AVEN: variants seen among roughly 807,000 people sequenced by gnomAD.
AVEN encodes cell death regulator Aven.
Under a neutral mutation model 38.1 loss-of-function variants are expected in AVEN, and 41 were observed. The ratio of observed to expected loss-of-function variants is 1.08; its 90% CI spans 0.84 to 1.40. The LOEUF (loss-of-function observed/expected upper bound fraction) is 1.40. Ranked by LOEUF, AVEN falls within the 40% of genes most tolerant of loss-of-function variation. AVEN has a pLI of 0.00. For synonymous variants in AVEN, 206 were observed against 171.8 expected (o/e 1.20, Z -1.56); for missense variants, 605 against 438.8 (o/e 1.38, Z -3.38).
chr15:33,894,582 G>T (rs528358084), intron 2 of AVEN, among the ~76,000 whole-genome samples: 1 of 146,382 alleles, frequency 6.8e-6, no homozygotes, highest in Non-Finnish European at 1.5e-5. Context: ...GGCCGAGGCA[G>T]GGGGACTGCC....
At chr15:33,867,280 C>T (rs924516017) in intron 5 of AVEN, among the ~76,000 whole-genome samples, 2 of 152,192 alleles carry the variant, frequency 1.3e-5, no homozygotes, top group Non-Finnish European at 2.9e-5. Context: ...AGGCAGGTAG[C>T]AGCTTTGGAA....
At chr15:34,074,712 T>G (rs996412090) in exon 1 of AVEN, among the ~76,000 whole-genome samples, 5 of 152,182 alleles carry the variant, frequency 3.3e-5, no homozygotes, top group South Asian at 2.1e-4. Flanking sequence ...CTTTATTACC[T>G]CCTAAAGACC....
chr15:33,865,549 A>T, downstream of AVEN: 1 of 262,026 alleles, frequency 3.8e-6, no homozygotes, highest in Non-Finnish European at 7.3e-6. Context: ...AAAGGGCTAG[A>T]GAAGTATGAA....
chr15:33,892,061 A>C (rs989121624), intron 2 of AVEN, among the ~76,000 whole-genome samples: 2 of 152,046 alleles, frequency 1.3e-5, no homozygotes, highest in Non-Finnish European at 2.9e-5. Flanking sequence ...TCCTTTGCCC[A>C]CTTTTTGATG....
chr15:33,937,050 G>A (rs1410388012), intron 2 of AVEN, among the ~76,000 whole-genome samples: 3 of 147,948 alleles, frequency 2.0e-5, no homozygotes, highest in African/African-American at 7.6e-5. Flanking sequence ...AGAATGGCGT[G>A]AACCCAGGAG....
intron 1 of AVEN, among the ~76,000 whole-genome samples, chr15:34,037,104 C>T (rs1356746379): frequency 5.4e-5 from 7 of 129,058 alleles, no homozygotes; most frequent in South Asian, 5.0e-4. Context: ...AGTAAAACTC[C>T]GTCTCAAAAA....
chr15:33,974,643 AATCTGTGATTTGATGTTGG>A (rs1443088211), intron 2 of AVEN, among the ~76,000 whole-genome samples: 1 of 152,178 alleles, frequency 6.6e-6, no homozygotes, highest in African/African-American at 2.4e-5. Context: ...TCCTCACAGA[AATCTGTGATTTGATGTTGG>A]CGTGCACAAC....
chr15:33,873,162 C>T (rs1487443297), intron 3 of AVEN, among the ~76,000 whole-genome samples: 8 of 139,168 alleles, frequency 5.7e-5, no homozygotes, highest in Admixed American at 7.6e-5. Flanking sequence ...TGCAATGGCA[C>T]GATCTCGGCT....
intron 2 of AVEN, among the ~76,000 whole-genome samples, chr15:33,995,311 CA>C (rs1418151009): frequency 6.6e-6 from 1 of 151,856 alleles, no homozygotes; most frequent in Non-Finnish European, 1.5e-5. Flanking sequence ...AACAATACAA[CA>C]ATAAAAATAC....
chr15:34,030,403 T>C (rs551948756), intron 1 of AVEN, among the ~76,000 whole-genome samples: 2 of 151,810 alleles, frequency 1.3e-5, no homozygotes, highest in African/African-American at 4.8e-5. Flanking sequence ...TGGAGTGCAG[T>C]GGCGCAATCT....
chr15:33,933,392 T>C (rs965006122), intron 2 of AVEN, among the ~76,000 whole-genome samples: 1 of 151,924 alleles, frequency 6.6e-6, no homozygotes, highest in Non-Finnish European at 1.5e-5. Context: ...GAGAAATGAA[T>C]GTGGATGCTA....
Position 33,986,147 on chromosome 15 carries a change from C to T in AVEN, c.445+16885G>A, listed in dbSNP as rs554409433. On this transcript the variant is annotated intron_variant, in intron 2 of 5. Coordinates refer to ENST00000306730, the MANE Select transcript of AVEN (RefSeq NM_020371.3). The stretch of plus-strand genomic sequence containing the variant: ...TTTGAGATGGACTCTCGCTCTGTCG[C>T]CCAGGCTGGAGTGCAGTGGCGCCAT... Among the ~76,000 whole-genome samples, 325 of 151,358 alleles carry T rather than the reference C, an allele frequency of 2.1e-3. 1 individual carries two copies. The highest frequency in any genetic ancestry group is 8.3e-3 in the South Asian group (39 of 4,726).
chr15:34,063,951 G>A lies in AVEN; in HGVS notation n.1127-519C>T, dbSNP rs74007678. 5.0e-3 allele frequency: 8,044 copies of A among 1,614,080 alleles called. 319 individuals carry two copies. The African/African-American group carries it at 0.087, about 18-fold the overall frequency. ...GCCCTGCCCCTTCCCAGTGGCCAAG[G>A]AACCTTCAACGAAAGGCCTCAATCC... is the stretch of plus-strand genomic sequence containing the variant. On this transcript the variant is annotated intron_variant and non_coding_transcript_variant, in intron 4 of 11. Coordinates refer to the AVEN transcript ENST00000675287. The surrounding 1 kb of genome is among the most constrained non-coding windows in gnomAD (Gnocchi z 4.1).
At chr15:33,910,983 C>G (rs1316925663) in intron 2 of AVEN, among the ~76,000 whole-genome samples, 1 of 152,176 alleles carries the variant, frequency 6.6e-6, no homozygotes, top group African/African-American at 2.4e-5. Context: ...CAGTTTTAAA[C>G]CGATGAATCA....
chr15:33,999,587 G>GT (rs1897061221), intron 2 of AVEN, among the ~76,000 whole-genome samples: 1 of 152,060 alleles, frequency 6.6e-6, no homozygotes, highest in Admixed American at 6.6e-5. Flanking sequence ...TCATCCTTAC[G>GT]TATCTTTTTC....
rs538462188 is a variant in AVEN, at chr15:34,057,135, T to A, written n.1637+5787A>T. 3.1e-4 allele frequency among the ~76,000 whole-genome samples: 15 copies of A among 48,802 alleles called. 1 individual carries two copies. In the South Asian group the frequency reaches 0.013, roughly 41 times the overall value. 32.0% of individuals were successfully genotyped at this position (48,802 alleles called of 152,430 possible). A position where few individuals can be genotyped will look rare whatever the true frequency, so the allele number is the denominator to read the frequency against. ...TCCTACCAGGAGAAGAGTTTTGGTT[T>A]TTTTTGGTTTTTTTTTTTAGGTGGA... On this transcript the variant is annotated intron_variant and non_coding_transcript_variant, in intron 5 of 11. Transcript: ENST00000675287.
chr15:33,971,522 A>G lies in AVEN; in HGVS notation c.445+31510T>C, dbSNP rs917384490. Among the ~76,000 whole-genome samples the G allele has an allele frequency of 3.3e-5, 5 of 152,224 alleles. No individual in the cohort carries two copies. The East Asian group carries it at 5.8e-4, about 18-fold the overall frequency. ...ACATCCATTTCGTGTATGTTGACAT[A>G]ACAATCTTAAAAAGTAATTTTTGTC... On this transcript the variant is annotated intron_variant, in intron 2 of 5. Coordinates refer to ENST00000306730, the MANE Select transcript of AVEN (RefSeq NM_020371.3).
chr15:33,968,761 T>TA (rs1160910057), intron 2 of AVEN: 1 of 152,112 alleles, frequency 6.6e-6, no homozygotes, highest in East Asian at 1.9e-4. Context: ...GAAGCGTGTG[T>TA]AATTCTGAAA....
At chr15:33,967,783 C>A (rs1309877852) in intron 2 of AVEN, among the ~76,000 whole-genome samples, 3 of 151,668 alleles carry the variant, frequency 2.0e-5, no homozygotes, top group African/African-American at 4.8e-5. Context: ...AAAATCTATT[C>A]TTTTATACAG....
Sources: allele counts gnomAD v4.1 joint callset (sites outside exome capture counted in the v4.1 genomes callset), GRCh38; gene constraint gnomAD v4.1.1; non-coding constraint Gnocchi (gnomAD v3.1); transcripts MANE v1.5; gene names NCBI Gene and HGNC (gene_info 2026-07-23, HGNC 2026-07-21).